The following WDR44 variants were observed in gnomAD, a reference collection of about 807,000 sequenced individuals.
The protein encoded by WDR44 is WD repeat domain 44.
WDR44 carries 9 observed loss-of-function variants against 65.7 expected under a neutral mutation model. The ratio of observed to expected loss-of-function variants is 0.14; its 90% confidence interval spans 0.08 to 0.24. The LOEUF (loss-of-function observed/expected upper bound fraction) is 0.24. Ranked by LOEUF, WDR44 falls within the 10% of genes least tolerant of loss-of-function variation. WDR44 has a pLI of 1.00. For synonymous variants in WDR44, 220 were observed against 235.2 expected (o/e 0.94, Z 0.59); for missense variants, 425 against 670.9 (o/e 0.63, Z 4.05).
chrX:118,397,160 TTC>T, intron 7 of WDR44, 54 bp downstream of exon 7: 5 of 1,055,989 alleles, frequency 4.7e-6, no homozygotes, highest in Non-Finnish European at 6.2e-6. Context: ...TTGTTAAGAT[TTC>T]TCTGTTAATG....
chrX:118,427,445 T>G (rs2057167488), intron 12 of WDR44, among the ~76,000 whole-genome samples: 1 of 107,042 alleles, frequency 9.3e-6, no homozygotes, highest in African/African-American at 3.4e-5. Context: ...TAATTTTTTG[T>G]ATTTTTAGTA....
At chrX:118,445,053 T>TG in intron 19 of WDR44, 1 of 322,331 alleles carries the variant, frequency 3.1e-6, no homozygotes, top group Non-Finnish European at 6.0e-6. Context: ...CCCAGCACTT[T>TG]GGGAGGCCAA....
At chrX:118,351,935 C>T (rs1448966452) in intron 1 of WDR44, among the ~76,000 whole-genome samples, 2 of 101,988 alleles carry the variant, frequency 2.0e-5, no homozygotes, top group African/African-American at 7.5e-5. Flanking sequence ...GAGCAAGACT[C>T]CGTCTCAAAA....
intron 2 of WDR44, among the ~76,000 whole-genome samples, chrX:118,382,966 C>T (rs1000217572): frequency 8.0e-5 from 9 of 111,932 alleles, no homozygotes; most frequent in African/African-American, 2.9e-4. Context: ...TGTCTGTGGA[C>T]ACATGCTTGG....
chrX:118,371,793 A>G (rs4366240), intron 1 of WDR44, among the ~76,000 whole-genome samples: 11,562 of 110,555 alleles, frequency 0.1, 634 homozygotes, highest in Admixed American at 0.25. Context: ...CATACCACCA[A>G]TACTCAAATA....
Position 118,346,575 on chromosome X carries a change from C to T in WDR44, c.72C>T (p.Pro24=). Residue 24 remains proline (P), a synonymous_variant, in exon 1 of 20, where the codon CCC becomes CCT. Transcript: ENST00000254029. ...PEDVHLGGGY[P]VGSPGKVGLS... ...ATGTGCACCTAGGGGGCGGCTACCC[C>T]GTGGGGTAAGTGACTGCAGCTATGA... 8.4e-7 allele frequency: 1 copy of T among 1,189,404 alleles called. No individual in the cohort carries two copies.
intron 12 of WDR44, among the ~76,000 whole-genome samples, chrX:118,414,939 G>A (rs1047300424): frequency 9.0e-6 from 1 of 111,512 alleles, no homozygotes; most frequent in Non-Finnish European, 1.9e-5. Context: ...GTAAGAGTGG[G>A]CATCCTTGTC....
intron 1 of WDR44, among the ~76,000 whole-genome samples, chrX:118,368,483 T>TATATATATATATATATATATACC (rs1569359132): frequency 2.3e-5 from 2 of 87,666 alleles, no homozygotes; most frequent in Non-Finnish European, 4.2e-5. Flanking sequence ...ATATATATAC[T>TATATATATATATATATATATACC]TCTTGAGGAC....
intron 12 of WDR44, among the ~76,000 whole-genome samples, chrX:118,421,541 G>T (rs1173858629): frequency 8.9e-6 from 1 of 111,929 alleles, no homozygotes. Context: ...AAACACAATG[G>T]AGTTTATGTT....
intron 1 of WDR44, among the ~76,000 whole-genome samples, chrX:118,372,713 C>T (rs1034980076): frequency 6.2e-5 from 7 of 112,195 alleles, no homozygotes; most frequent in Non-Finnish European, 1.9e-5. Context: ...GGTTTCCCAG[C>T]TCAATGCAGA....
rs755957361 is a variant in WDR44, at chrX:118,365,009, A to G, written c.78-13410A>G. Among the ~76,000 whole-genome samples the G allele has an allele frequency of 4.4e-3, 496 of 112,179 alleles. 1 individual carries two copies. The highest frequency in any genetic ancestry group is 0.015 in the African/African-American group (467 of 30,923). On this transcript the variant is annotated intron_variant, in intron 1 of 19. Transcript: ENST00000254029. ...CCACTCAGTTTCTAGAACATTCACC[A>G]AATTGATTTCTCTCTTCTGAGTATG...
At chrX:118,436,928 T>A in intron 14 of WDR44, 104 bp downstream of exon 14, 1 of 768,813 alleles carries the variant, frequency 1.3e-6, no homozygotes, top group Non-Finnish European at 1.8e-6. Context: ...TATTAACAGC[T>A]ACATAGTTAT....
intron 2 of WDR44, among the ~76,000 whole-genome samples, chrX:118,386,706 A>G (rs2056770288): frequency 8.9e-6 from 1 of 112,053 alleles, no homozygotes; most frequent in Admixed American, 9.6e-5. Context: ...CTATAAAAGT[A>G]CGTAGAAGTT....
intron 12 of WDR44, among the ~76,000 whole-genome samples, chrX:118,413,779 T>C (rs1382832803): frequency 2.7e-5 from 3 of 111,976 alleles, no homozygotes; most frequent in African/African-American, 9.7e-5. Context: ...GAAGGGTTTT[T>C]CCAATGTTAT....
At chrX:118,441,701 T>C (rs2057305872) in intron 15 of WDR44, 142 bp downstream of exon 15, 2 of 531,513 alleles carry the variant, frequency 3.8e-6, no homozygotes, top group Non-Finnish European at 5.7e-6. Context: ...GTCTTAAGAG[T>C]TGGAACAGAT....
At chrX:118,395,887 G>A (rs2056861297) in intron 6 of WDR44, among the ~76,000 whole-genome samples, 1 of 110,365 alleles carries the variant, frequency 9.1e-6, no homozygotes, top group Non-Finnish European at 1.9e-5. Context: ...GCCAGGCATG[G>A]TGGTGTGCAT....
intron 5 of WDR44, among the ~76,000 whole-genome samples, chrX:118,394,431 G>A (rs1189041150): frequency 9.0e-6 from 1 of 111,585 alleles, no homozygotes; most frequent in African/African-American, 3.3e-5. Context: ...GGTTTGAAAT[G>A]AGCTAAAATA....
At chrX:118,444,660 TCA>T (rs2147756159) in intron 19 of WDR44, among the ~76,000 whole-genome samples, 166 bp downstream of exon 19, 1 of 112,181 alleles carries the variant, frequency 8.9e-6, no homozygotes, top group African/African-American at 3.2e-5. Context: ...AGTGACGCAG[TCA>T]CACACAGCTC....
At chrX:118,439,715 G>A (rs1179795695) in intron 14 of WDR44, among the ~76,000 whole-genome samples, 8 of 110,876 alleles carry the variant, frequency 7.2e-5, no homozygotes, top group Admixed American at 6.8e-4. Context: ...TACATTATTT[G>A]TAGATTGTCT....
Sources: gnomAD v4.1 joint callset for allele counts (sites outside exome capture counted in the v4.1 genomes callset) on GRCh38, gnomAD v4.1.1 for gene constraint, MANE v1.5 for transcripts, NCBI Gene and HGNC (gene_info 2026-07-23, HGNC 2026-07-21) for gene names.